C1orf185: variants seen among roughly 807,000 people sequenced by gnomAD.
C1orf185 encodes the protein uncharacterized protein C1orf185.
In C1orf185, 13 loss-of-function variants were observed where a neutral mutation model predicts 16.1. The ratio of observed to expected loss-of-function variants is 0.81; its 90% CI spans 0.53 to 1.28. The LOEUF is 1.28. C1orf185 is among the 50% of genes most tolerant of loss of function. The pLI, the probability that C1orf185 is intolerant of heterozygous loss-of-function variation, is 0.00. For missense variants in C1orf185, 220 were observed against 225.2 expected (o/e 0.98, Z 0.15); for synonymous variants, 80 against 76.9 (o/e 1.04, Z -0.21).
intron 3 of C1orf185, among the ~76,000 whole-genome samples, chr1:51,137,486 A>G (rs554226561): frequency 6.6e-6 from 1 of 152,254 alleles, no homozygotes; most frequent in South Asian, 2.1e-4. Flanking sequence ...GTGAGCTGAG[A>G]TCATGCCACT....
In C1orf185 at chr1:51,130,239, C is replaced by T. The variant is rs150580553; in HGVS notation, c.258+11438C>T. 3.6e-3 allele frequency among the ~76,000 whole-genome samples: 545 copies of T among 152,236 alleles called. 1 individual carries two copies. The highest frequency in any genetic ancestry group is 4.4e-3 in the Non-Finnish European group (300 of 68,022). ...ATATATTTAATGCCCAGGAATGCAG[C>T]TTCTGGTAAGAGTATATTTAACTTT... is the stretch of plus-strand genomic sequence containing the variant. On this transcript the variant is annotated intron_variant, in intron 3 of 4. Transcript: ENST00000371759.
intron 1 of C1orf185, among the ~76,000 whole-genome samples, chr1:51,110,798 G>A (rs561442309): frequency 6.6e-6 from 1 of 151,944 alleles, no homozygotes; most frequent in East Asian, 1.9e-4. Context: ...GTAAAACCCC[G>A]TGTCTACTAA....
At chr1:51,136,378 CA>C in intron 3 of C1orf185, among the ~76,000 whole-genome samples, 1 of 151,230 alleles carries the variant, frequency 6.6e-6, no homozygotes, top group South Asian at 2.1e-4. Context: ...CTCTGTCACC[CA>C]GGCTGGAGTG....
chr1:51,113,678 T>A (rs1646139290), intron 2 of C1orf185, among the ~76,000 whole-genome samples: 1 of 151,860 alleles, frequency 6.6e-6, no homozygotes, highest in Admixed American at 6.6e-5. Flanking sequence ...AGAGTGAAAC[T>A]CCATCTCAAA....
intron 4 of C1orf185, among the ~76,000 whole-genome samples, chr1:51,146,873 C>T (rs1646404223): frequency 6.6e-6 from 1 of 152,114 alleles, no homozygotes; most frequent in African/African-American, 2.4e-5. Flanking sequence ...TTCATACACC[C>T]TTCCCAATGC....
In C1orf185 at chr1:51,136,761, G is replaced by T. The variant is rs148720009; in HGVS notation, c.259-8963G>T. ...CATGTACAAAAATTAACTCAAGACG[G>T]ATTAAAGACTTAAATGTAAATAAAA... On this transcript the variant is annotated intron_variant, in intron 3 of 4. Coordinates refer to ENST00000371759, the MANE Select transcript of C1orf185 (RefSeq NM_001136508.2). Among the ~76,000 whole-genome samples, 468 of 152,132 alleles carry T rather than the reference G, an allele frequency of 3.1e-3. 3 individuals carry two copies. Among genetic ancestry groups the T allele is most frequent in the African/African-American group, 0.011 (457 of 41,498 alleles).
intron 3 of C1orf185, among the ~76,000 whole-genome samples, chr1:51,133,355 T>C (rs370788892): frequency 1.1e-3 from 164 of 152,190 alleles, no homozygotes; most frequent in Non-Finnish European, 1.7e-3. Context: ...AAAGGAATGA[T>C]GAAAAATCTA....
At chr1:51,129,125 TCCAC>T (rs1646264341) in intron 3 of C1orf185, among the ~76,000 whole-genome samples, 1 of 152,132 alleles carries the variant, frequency 6.6e-6, no homozygotes, top group African/African-American at 2.4e-5. Context: ...CCTCAGGCGA[TCCAC>T]CTGCCTCGGC....
At chr1:51,111,802 G>T (rs1557643370) in intron 1 of C1orf185, among the ~76,000 whole-genome samples, 1 of 152,168 alleles carries the variant, frequency 6.6e-6, no homozygotes, top group African/African-American at 2.4e-5. Flanking sequence ...TTACAGGCGT[G>T]AGCCACGGCG....
In C1orf185 at chr1:51,118,725, C is replaced by T. The variant is rs1646176433; in HGVS notation, c.182C>T (p.Ser61Leu). Residue 61 changes from serine to leucine, a missense_variant, in exon 3 of 5, where the codon TCA becomes TTA. Coordinates refer to ENST00000371759, the MANE Select transcript of C1orf185 (RefSeq NM_001136508.2). ...GATGAGAGATGCAGGCAAAGACCAT[C>T]AATGGCGAAGATTAAATCTCATTCT... is the stretch of plus-strand genomic sequence containing the variant. ...AIDERCRQRP[S>L]MAKIKSHSQC... The T allele has an allele frequency of 3.3e-6, 5 of 1,493,690 alleles. No homozygotes were observed. The Admixed American group carries it at 6.4e-5, about 19-fold the overall frequency. 92.5% of individuals were successfully genotyped at this position (1,493,690 alleles called of 1,614,324 possible).
chr1:51,146,916 G>T, intron 4 of C1orf185, among the ~76,000 whole-genome samples: 1 of 152,008 alleles, frequency 6.6e-6, no homozygotes, highest in South Asian at 2.1e-4. Context: ...TGCTTAAGGA[G>T]GCATGTACTT....
chr1:51,128,906 A>T (rs1276677745), intron 3 of C1orf185, among the ~76,000 whole-genome samples: 4 of 151,530 alleles, frequency 2.6e-5, no homozygotes, highest in Middle Eastern at 3.2e-3. Context: ...TTGTTTTGAG[A>T]TGGAGTCTGG....
downstream of C1orf185, among the ~76,000 whole-genome samples, chr1:51,149,987 T>C (rs1646422732): frequency 6.6e-6 from 1 of 152,224 alleles, no homozygotes; most frequent in Non-Finnish European, 1.5e-5. Flanking sequence ...AGGCCTAGCT[T>C]CAACTGTTGT....
chr1:51,126,726 T>C (rs1022460103), intron 3 of C1orf185, among the ~76,000 whole-genome samples: 1 of 152,210 alleles, frequency 6.6e-6, no homozygotes, highest in African/African-American at 2.4e-5. Flanking sequence ...GTTACCATAG[T>C]ATATTTGTCA....
intron 1 of C1orf185, 36 bp from the exon 2 acceptor site, chr1:51,112,428 A>G (rs1478281061): frequency 6.9e-7 from 1 of 1,458,180 alleles, no homozygotes; most frequent in Non-Finnish European, 9.3e-7. Flanking sequence ...ATAAAAATAC[A>G]TGCATGAAAT....
intron 3 of C1orf185, among the ~76,000 whole-genome samples, chr1:51,130,729 T>G (rs1646277090): frequency 7.0e-6 from 1 of 142,344 alleles, no homozygotes; most frequent in South Asian, 2.2e-4. Flanking sequence ...CTGAGTTCTA[T>G]TTCATTGATG....
At chr1:51,127,892 T>TTTG (rs1553163235) in intron 3 of C1orf185, among the ~76,000 whole-genome samples, 14 of 146,832 alleles carry the variant, frequency 9.5e-5, no homozygotes, top group Admixed American at 2.0e-4. Flanking sequence ...TTTGTTTTTT[T>TTTG]TTTTTTTTTT....
chr1:51,137,365 TC>T (rs536564239), intron 3 of C1orf185, among the ~76,000 whole-genome samples: 65 of 151,922 alleles, frequency 4.3e-4, no homozygotes, highest in Admixed American at 3.5e-3. Flanking sequence ...AAACCCCATC[TC>T]CACTAAAAAA....
intron 3 of C1orf185, among the ~76,000 whole-genome samples, chr1:51,132,008 C>A (rs1646289157): frequency 6.6e-6 from 1 of 152,132 alleles, no homozygotes; most frequent in Admixed American, 6.5e-5. Context: ...GATTGGCTGC[C>A]TAAAATATTC....
Sources: allele counts gnomAD v4.1 joint callset (sites outside exome capture counted in the v4.1 genomes callset), GRCh38; gene constraint gnomAD v4.1.1; transcripts MANE v1.5; gene names NCBI Gene and HGNC (gene_info 2026-07-23, HGNC 2026-07-21).